The following SLC45A4 variants were observed in gnomAD, a reference collection of about 807,000 sequenced individuals.
SLC45A4 encodes polyamine-transporter SLC45A4.
In SLC45A4, 32 loss-of-function variants were observed where a neutral mutation model predicts 63.7. The ratio of observed to expected loss-of-function variants is 0.50; its 90% CI spans 0.38 to 0.67. The LOEUF (loss-of-function observed/expected upper bound fraction) is 0.67, where lower values mean the gene tolerates loss of function less well. Among genes scored for constraint, SLC45A4 ranks in the 30% least tolerant of loss-of-function variants. The pLI is 0.00. For missense variants in SLC45A4, 1,027 were observed against 1,157.7 expected (o/e 0.89, Z 1.64); for synonymous variants, 535 against 510.0 (o/e 1.05, Z -0.66).
intron 1 of SLC45A4, among the ~76,000 whole-genome samples, chr8:141,274,126 G>A (rs1480194544): frequency 1.3e-5 from 2 of 152,184 alleles, no homozygotes; most frequent in African/African-American, 4.8e-5. Context: ...CTACTCTGGA[G>A]GCTGAGGCAG....
rs1195977504 is a variant in SLC45A4, at chr8:141,304,263, T to C, written c.-401+3833A>G. Reference sequence around the variant, plus strand: ...GCAACACAGTGAGACCCCCTGACTCTTAAATACACACACACACACACGCAA... The same window carrying C: ...GCAACACAGTGAGACCCCCTGACTCCTAAATACACACACACACACACGCAA... On this transcript the variant is annotated intron_variant, in intron 1 of 8. Transcript: ENST00000517878. Among the ~76,000 whole-genome samples, 3 of 126,122 alleles carry C rather than the reference T, an allele frequency of 2.4e-5. No individual in the cohort carries two copies. In the East Asian group the frequency reaches 1.2e-3, roughly 49 times the overall value. The allele number at this position is 126,122 out of a possible 152,430, so 82.7% of individuals were successfully genotyped here.
At position 141,227,123 on chromosome 8, in the gene SLC45A4, A is replaced by G. The variant is rs1827053036; in HGVS notation, c.242-5358T>C. On this transcript the variant is annotated intron_variant, in intron 2 of 8. Transcript: ENST00000517878. The surrounding 1 kb of genome is among the most constrained non-coding windows in gnomAD (Gnocchi z 4.4). Reference sequence around the variant, plus strand: ...ACACACACAACGCTGGGCCCAGTAAATAAGTTTTGTTTTTTCCCAGGGAAA... The same window carrying G: ...ACACACACAACGCTGGGCCCAGTAAGTAAGTTTTGTTTTTTCCCAGGGAAA... Among the ~76,000 whole-genome samples, 3 of 152,304 alleles carry G rather than the reference A, an allele frequency of 2.0e-5. No individual in the cohort carries two copies. The highest frequency in any genetic ancestry group is 4.1e-4 in the South Asian group (2 of 4,830).
chr8:141,211,982 G>A, intron 8 of SLC45A4: 1 of 1,290,996 alleles, frequency 7.7e-7, no homozygotes, highest in Non-Finnish European at 9.8e-7. Context: ...TCGAAAAAGT[G>A]GTTAGTGTGG....
chr8:141,272,979 G>A (rs1022378054), intron 1 of SLC45A4, among the ~76,000 whole-genome samples: 14 of 152,154 alleles, frequency 9.2e-5, no homozygotes, highest in Non-Finnish European at 1.5e-4. Flanking sequence ...TTTTTAAACA[G>A]AATCCCTCTT....
In SLC45A4 at chr8:141,218,947, G is replaced by T. The variant is rs773504878; in HGVS notation, c.693C>A (p.Asn231Lys). ...TGGCGGCAAAGAAGAAGAGCACCTG[G>T]TTCTGGGTCCGGAACCAGCTGCCCA... is the stretch of plus-strand genomic sequence containing the variant. ...TFLGSWFRTQ[N>K]QVLFFFAAII... Residue 231 changes from asparagine (N) to lysine (K), a missense_variant, in exon 5 of 9, where the codon AAC (asparagine) becomes AAA (lysine). Coordinates refer to ENST00000517878, the MANE Select transcript of SLC45A4 (RefSeq NM_001286646.2). 1 of 1,613,586 alleles carries T rather than the reference G, an allele frequency of 6.2e-7. No individual in the cohort carries two copies. Among genetic ancestry groups the T allele is most frequent in the African/African-American group, 1.3e-5 (1 of 74,932 alleles).
chr8:141,217,213 C>G, intron 5 of SLC45A4, 24 bp from the exon 6 acceptor site: 9 of 1,609,854 alleles, frequency 5.6e-6, no homozygotes, highest in Non-Finnish European at 7.6e-6. Flanking sequence ...GAGACGGGGG[C>G]TGACGAGGGC....
At chr8:141,272,460 G>A (rs1829577591) in intron 1 of SLC45A4, among the ~76,000 whole-genome samples, 1 of 152,206 alleles carries the variant, frequency 6.6e-6, no homozygotes, top group African/African-American at 2.4e-5. Context: ...CGGGAGGGTC[G>A]TGACTGGTTT....
Position 141,211,333 on chromosome 8 carries a change from G to T in SLC45A4, c.*239C>A. Reference sequence around the variant, plus strand: ...GACGAGCGGGGTCACATGGCTGGGCGCAGACACACTCACACGCGCACGCAG... The same window carrying T: ...GACGAGCGGGGTCACATGGCTGGGCTCAGACACACTCACACGCGCACGCAG... On this transcript the variant is annotated 3_prime_UTR_variant, in exon 9 of 9. Transcript: ENST00000517878. The T allele has an allele frequency of 7.7e-7, 1 of 1,302,620 alleles. No individual in the cohort carries two copies. Among genetic ancestry groups the T allele is most frequent in the Non-Finnish European group, 1.0e-6 (1 of 968,812 alleles). The allele number at this position is 1,302,620 out of a possible 1,614,324, so 80.7% of individuals were successfully genotyped here.
chr8:141,212,022 C>A lies in SLC45A4; in HGVS notation c.2301+175G>T, dbSNP rs963459549. On this transcript the variant is annotated intron_variant, in intron 8 of 8. Transcript: ENST00000517878. ...TGCTTAGTAGCTCAAACCTACCCTACGACTACTGAATTGTGGCTATGGGGG... is the reference window on the plus strand; with the variant it reads ...TGCTTAGTAGCTCAAACCTACCCTAAGACTACTGAATTGTGGCTATGGGGG... The A allele has an allele frequency of 1.1e-5, 14 of 1,330,682 alleles. No homozygotes were observed. The Admixed American group carries it at 4.4e-4, about 42-fold the overall frequency. The allele number at this position is 1,330,682 out of a possible 1,614,324, so 82.4% of individuals were successfully genotyped here.
chr8:141,249,077 C>T (rs1828348592), intron 2 of SLC45A4, among the ~76,000 whole-genome samples: 1 of 151,680 alleles, frequency 6.6e-6, no homozygotes, highest in African/African-American at 2.4e-5. Context: ...TGGTTCACAC[C>T]CACTTCGATG....
intron 1 of SLC45A4, among the ~76,000 whole-genome samples, chr8:141,293,490 C>T (rs1328286466): frequency 1.3e-5 from 2 of 152,000 alleles, no homozygotes; most frequent in African/African-American, 4.8e-5. Context: ...ACGGCAATGG[C>T]ACTGTACAAA....
intron 2 of SLC45A4, among the ~76,000 whole-genome samples, chr8:141,243,172 G>A (rs1210359143): frequency 6.6e-6 from 1 of 152,210 alleles, no homozygotes; most frequent in Admixed American, 6.5e-5. Flanking sequence ...AAAGTCAGGG[G>A]GACCCCATGT....
chr8:141,261,609 AC>A lies in SLC45A4; in HGVS notation c.-400-6981del, dbSNP rs557432980. Among the ~76,000 whole-genome samples, 331 of 152,144 alleles carry A rather than the reference AC, an allele frequency of 2.2e-3. 2 individuals are homozygous for A. The highest frequency in any genetic ancestry group is 7.7e-3 in the African/African-American group (321 of 41,488). On this transcript the variant is annotated intron_variant, in intron 1 of 8. Transcript: ENST00000517878. ...CAAACAGAGAGCCAAATCATGAGTG[AC>A]CCCCCATTCATAATTGCTTCAAAGA...
chr8:141,251,393 C>T (rs1828457804), intron 2 of SLC45A4, among the ~76,000 whole-genome samples: 1 of 152,088 alleles, frequency 6.6e-6, no homozygotes, highest in South Asian at 2.1e-4. Flanking sequence ...CCACACTGGT[C>T]CAGCCCATTT....
chr8:141,295,054 CCTGT>C (rs1830494517), intron 1 of SLC45A4, among the ~76,000 whole-genome samples: 1 of 152,224 alleles, frequency 6.6e-6, no homozygotes, highest in Non-Finnish European at 1.5e-5. Context: ...TGCGGGCAGG[CCTGT>C]CTGTCTTGGG....
intron 1 of SLC45A4, among the ~76,000 whole-genome samples, chr8:141,295,687 C>T (rs1292956059): frequency 6.6e-6 from 1 of 152,206 alleles, no homozygotes; most frequent in Non-Finnish European, 1.5e-5. Context: ...GACTGAGGCC[C>T]CTCGATTGAC....
chr8:141,245,002 G>C (rs1828113550), intron 2 of SLC45A4, among the ~76,000 whole-genome samples: 1 of 150,818 alleles, frequency 6.6e-6, no homozygotes. Context: ...CTAGAGTGGG[G>C]TGCAATGAAT....
intron 8 of SLC45A4, 52 bp downstream of exon 8, chr8:141,212,145 C>CCCCGGGGGGGGGGGGGGGGG: frequency 1.0e-6 from 1 of 955,996 alleles, no homozygotes. Context: ...GCCGCCCGCC[C>CCCCGGGGGGGGGGGGGGGGG]GCCCGCCCAC....
chr8:141,265,719 A>C (rs959833613), intron 1 of SLC45A4, among the ~76,000 whole-genome samples: 2 of 152,188 alleles, frequency 1.3e-5, no homozygotes, highest in African/African-American at 4.8e-5. Context: ...AGCTGCTTAA[A>C]ATGCGGAGAA....
Sources: gnomAD v4.1 joint callset for allele counts (sites outside exome capture counted in the v4.1 genomes callset) on GRCh38, gnomAD v4.1.1 for gene constraint, Gnocchi (gnomAD v3.1) non-coding constraint, MANE v1.5 for transcripts, NCBI Gene and HGNC (gene_info 2026-07-23, HGNC 2026-07-21) for gene names.